The following CLVS1 variants were observed in gnomAD, a reference collection of about 807,000 sequenced individuals.
The protein encoded by CLVS1 is clavesin 1.
CLVS1 carries 10 observed loss-of-function variants against 33.1 expected under a neutral mutation model. That is an observed-to-expected ratio of 0.30 (90% CI 0.19 to 0.51). The LOEUF (loss-of-function observed/expected upper bound fraction) is 0.51, where lower values mean the gene tolerates loss of function less well. CLVS1 is among the 20% of genes least tolerant of loss of function. The pLI, the probability that CLVS1 is intolerant of heterozygous loss-of-function variation, is 0.97. For missense variants in CLVS1, 343 were observed against 433.4 expected (o/e 0.79, Z 1.85); for synonymous variants, 163 against 166.1 (o/e 0.98, Z 0.14).
chr8:61,220,822 C>T lies in CLVS1; in HGVS notation c.-151-78855C>T, dbSNP rs35928241. The stretch of plus-strand genomic sequence containing the variant: ...GAATGTTTTTCCATTTGTTTCTGTC[C>T]TCTCTTATTTCCTTGAGCATTGATT... On this transcript the variant is annotated intron_variant, in intron 2 of 2. Transcript: ENST00000522621. Among the ~76,000 whole-genome samples, 357 of 152,078 alleles carry T rather than the reference C, an allele frequency of 2.3e-3. 1 individual carries two copies. Among genetic ancestry groups the T allele is most frequent in the Non-Finnish European group, 3.9e-3 (263 of 67,972 alleles).
Position 61,071,917 on chromosome 8 carries a change from C to T in CLVS1, c.-243+14687C>T, listed in dbSNP as rs568561597. ...GTCAGTGCTTTTGTTTAATTTCACA[C>T]ACACACACACAAATCACACCCTGCC... On this transcript the variant is annotated intron_variant, in intron 1 of 2. Coordinates refer to the CLVS1 transcript ENST00000522621. Among the ~76,000 whole-genome samples, 10 of 152,306 alleles carry T rather than the reference C, an allele frequency of 6.6e-5. No individual in the cohort carries two copies. The South Asian group carries it at 1.9e-3, about 28-fold the overall frequency.
chr8:61,469,723 G>C lies in CLVS1; in HGVS notation c.977+11181G>C, dbSNP rs112296881. On this transcript the variant is annotated intron_variant, in intron 5 of 5. Transcript: ENST00000325897. ...AGGGTTGGCAGTGTGGGAACAGGAGGACCGTTGTCTTCTGAGCAGCCAGGG... is the reference window on the plus strand; with the variant it reads ...AGGGTTGGCAGTGTGGGAACAGGAGCACCGTTGTCTTCTGAGCAGCCAGGG... Among the ~76,000 whole-genome samples, 604 of 152,274 alleles carry C rather than the reference G, an allele frequency of 4.0e-3. 6 individuals carry two copies. Among genetic ancestry groups the C allele is most frequent in the African/African-American group, 0.014 (572 of 41,552 alleles).
At chr8:61,090,889 C>T (rs932087314) in intron 1 of CLVS1, 1 of 518,696 alleles carries the variant, frequency 1.9e-6, no homozygotes, top group African/African-American at 1.9e-5. Context: ...GGACTTGAAG[C>T]TGTAATGAGT....
chr8:61,029,315 G>A, the CLVS1 span, among the ~76,000 whole-genome samples: 1 of 152,230 alleles, frequency 6.6e-6, no homozygotes, highest in Non-Finnish European at 1.5e-5. Flanking sequence ...TCCTGCCAAA[G>A]TCTGGTTTAC....
chr8:61,386,732 C>T (rs564641997), intron 3 of CLVS1, among the ~76,000 whole-genome samples: 3 of 152,236 alleles, frequency 2.0e-5, no homozygotes, highest in South Asian at 2.1e-4. Flanking sequence ...TTCTAGTCTA[C>T]GGTAAATACA....
chr8:61,297,842 C>G (rs1810274003), intron 1 of CLVS1, among the ~76,000 whole-genome samples: 1 of 151,974 alleles, frequency 6.6e-6, no homozygotes, highest in Non-Finnish European at 1.5e-5. Context: ...AGAAGGAGGT[C>G]TAAGAAGGAT....
chr8:61,122,731 G>T (rs1029973358), intron 1 of CLVS1, among the ~76,000 whole-genome samples: 1 of 152,074 alleles, frequency 6.6e-6, no homozygotes, highest in Non-Finnish European at 1.5e-5. Flanking sequence ...AACTGCCCAG[G>T]GGTTAGTTCA....
At chr8:61,234,846 T>A (rs955035347) in intron 2 of CLVS1, among the ~76,000 whole-genome samples, 4 of 152,194 alleles carry the variant, frequency 2.6e-5, no homozygotes, top group Admixed American at 6.5e-5. Context: ...GTAATTATGC[T>A]GGTTTTCACA....
intron 2 of CLVS1, among the ~76,000 whole-genome samples, chr8:61,305,956 T>C (rs560361903): frequency 4.9e-4 from 74 of 152,290 alleles, no homozygotes; most frequent in Middle Eastern, 3.4e-3. Context: ...GGCATCTAGG[T>C]TGATTCCATG....
the CLVS1 span, among the ~76,000 whole-genome samples, chr8:60,980,430 G>A: frequency 6.6e-6 from 1 of 152,202 alleles, no homozygotes. Flanking sequence ...AACGGTAGTG[G>A]GTTCAATGCT....
At chr8:61,382,435 T>TC (rs1813918191) in intron 3 of CLVS1, among the ~76,000 whole-genome samples, 1 of 152,226 alleles carries the variant, frequency 6.6e-6, no homozygotes, top group South Asian at 2.1e-4. Flanking sequence ...GCCTTACTTC[T>TC]CCAGGTGTAG....
At chr8:61,483,124 G>C (rs971702779) in intron 5 of CLVS1, among the ~76,000 whole-genome samples, 1 of 151,952 alleles carries the variant, frequency 6.6e-6, no homozygotes, top group African/African-American at 2.4e-5. Flanking sequence ...AGACACAAAA[G>C]ATCCTTCAAA....
intron 3 of CLVS1, among the ~76,000 whole-genome samples, chr8:61,451,812 CAGAGAGAGAG>C (rs71257362): frequency 1.7e-3 from 242 of 142,936 alleles, no homozygotes; most frequent in South Asian, 3.0e-3. Flanking sequence ...CACACACACA[CAGAGAGAGAG>C]AGAGAGAGAG....
At chr8:61,257,176 G>A (rs555181616) in intron 2 of CLVS1, among the ~76,000 whole-genome samples, 4 of 152,234 alleles carry the variant, frequency 2.6e-5, no homozygotes, top group South Asian at 2.1e-4. Context: ...TAACAAATGC[G>A]TTAGCAGCAT....
chr8:61,398,289 C>T (rs1814615532), intron 3 of CLVS1, among the ~76,000 whole-genome samples: 1 of 151,456 alleles, frequency 6.6e-6, no homozygotes, highest in Non-Finnish European at 1.5e-5. Context: ...TCCAGCAAGC[C>T]TTCCACCTCA....
intron 2 of CLVS1, among the ~76,000 whole-genome samples, chr8:61,305,825 T>A (rs918325916): frequency 6.6e-6 from 1 of 152,184 alleles, no homozygotes; most frequent in African/African-American, 2.4e-5. Flanking sequence ...TTTTTGTTCT[T>A]GTATTAGTTT....
At chr8:61,341,099 TGCACTGA>T (rs1185149017) in intron 2 of CLVS1, among the ~76,000 whole-genome samples, 1 of 152,236 alleles carries the variant, frequency 6.6e-6, no homozygotes, top group Non-Finnish European at 1.5e-5. Context: ...ATACCTTTAA[TGCACTGA>T]AAAGAATAAA....
At chr8:61,360,675 G>A (rs925848413) in intron 2 of CLVS1, among the ~76,000 whole-genome samples, 1 of 152,102 alleles carries the variant, frequency 6.6e-6, no homozygotes, top group African/African-American at 2.4e-5. Flanking sequence ...AAAGTATGAT[G>A]TTTTCTTCTT....
chr8:61,215,039 G>T (rs1164815844), intron 2 of CLVS1, among the ~76,000 whole-genome samples: 2 of 152,098 alleles, frequency 1.3e-5, no homozygotes, highest in Admixed American at 6.6e-5. Context: ...TAAGTATTTA[G>T]CTTTTCAAGT....
Sources: gnomAD v4.1 joint callset for allele counts (sites outside exome capture counted in the v4.1 genomes callset) on GRCh38, gnomAD v4.1.1 for gene constraint, MANE v1.5 for transcripts, NCBI Gene and HGNC (gene_info 2026-07-23, HGNC 2026-07-21) for gene names.